Variants in NELL1 observed in about 807,000 individuals in gnomAD.
NELL1 encodes protein kinase C-binding protein NELL1.
NELL1 carries 76 observed loss-of-function variants against 107.4 expected under a neutral mutation model. That is an observed-to-expected ratio of 0.71 (90% confidence interval 0.59 to 0.86). The LOEUF (loss-of-function observed/expected upper bound fraction) is 0.86. NELL1 is among the 40% of genes least tolerant of loss of function. NELL1 has a pLI of 0.00. For synonymous variants in NELL1, 353 were observed against 341.2 expected (o/e 1.03, Z -0.38); for missense variants, 1,024 against 1,005.5 (o/e 1.02, Z -0.25).
intron 14 of NELL1, among the ~76,000 whole-genome samples, chr11:21,366,870 T>C (rs187561932): frequency 3.9e-5 from 6 of 152,236 alleles, no homozygotes; most frequent in African/African-American, 1.2e-4. Flanking sequence ...CAATAAACTT[T>C]AAGAAGATTA....
At chr11:21,140,504 T>C (rs998213142) in intron 13 of NELL1, among the ~76,000 whole-genome samples, 5 of 152,176 alleles carry the variant, frequency 3.3e-5, no homozygotes, top group African/African-American at 1.2e-4. Flanking sequence ...ACAGAAGCTT[T>C]GGAAGAGTAT....
intron 2 of NELL1, among the ~76,000 whole-genome samples, chr11:20,685,254 T>C (rs1037195251): frequency 1.1e-4 from 17 of 152,224 alleles, no homozygotes; most frequent in African/African-American, 3.6e-4. Context: ...CTGCCCTTCA[T>C]TGACTGATGG....
intron 2 of NELL1, among the ~76,000 whole-genome samples, chr11:20,702,737 C>T (rs1854828610): frequency 6.6e-6 from 1 of 152,168 alleles, no homozygotes; most frequent in South Asian, 2.1e-4. Context: ...TGAATTTTGA[C>T]AAAGGCCTTT....
At position 20,677,630 on chromosome 11, in the gene NELL1, C is replaced by A. The variant is rs548035625; in HGVS notation, c.56-302C>A. 5.3e-5 allele frequency among the ~76,000 whole-genome samples: 8 copies of A among 152,144 alleles called. No individual in the cohort carries two copies. The South Asian group carries it at 1.7e-3, about 32-fold the overall frequency. On this transcript the variant is annotated intron_variant, in intron 1 of 19. Transcript: ENST00000357134. Reference sequence around the variant, plus strand: ...TGTTACATAAAATGTAGTATATAGGCCATATTACCTTTCTAACACATGGCA... The same window carrying A: ...TGTTACATAAAATGTAGTATATAGGACATATTACCTTTCTAACACATGGCA...
intron 5 of NELL1, among the ~76,000 whole-genome samples, chr11:20,899,033 A>G (rs750007065): frequency 3.3e-5 from 5 of 152,148 alleles, no homozygotes; most frequent in Admixed American, 6.5e-5. Context: ...AAATGGATAC[A>G]TTTGCCATCA....
intron 4 of NELL1, 118 bp downstream of exon 4, chr11:20,847,871 T>C (rs1013235048): frequency 1.3e-5 from 14 of 1,113,808 alleles, no homozygotes; most frequent in African/African-American, 1.6e-5. Flanking sequence ...GGGACCCTAA[T>C]TGTAATTTAA....
intron 14 of NELL1, among the ~76,000 whole-genome samples, chr11:21,347,260 A>G (rs1850703108): frequency 6.6e-6 from 1 of 152,114 alleles, no homozygotes; most frequent in African/African-American, 2.4e-5. Flanking sequence ...AGGGAACAAC[A>G]AGTGTAAAGG....
At chr11:21,335,945 C>G (rs1850380778) in intron 14 of NELL1, among the ~76,000 whole-genome samples, 1 of 151,982 alleles carries the variant, frequency 6.6e-6, no homozygotes, top group East Asian at 1.9e-4. Context: ...AATATTAGGC[C>G]TTAACATAGT....
chr11:20,828,745 G>A (rs1857938866), intron 3 of NELL1, among the ~76,000 whole-genome samples: 1 of 152,120 alleles, frequency 6.6e-6, no homozygotes, highest in South Asian at 2.1e-4. Context: ...TTTTCAGTCA[G>A]TTTTAGTGTC....
intron 13 of NELL1, among the ~76,000 whole-genome samples, chr11:21,130,309 G>A (rs1292949530): frequency 6.6e-6 from 1 of 152,154 alleles, no homozygotes; most frequent in Non-Finnish European, 1.5e-5. Context: ...GGTCATGGCT[G>A]TCTTCCTAAG....
Position 21,454,802 on chromosome 11 carries a change from T to C in NELL1, c.1646-79572T>C, listed in dbSNP as rs143623799. On this transcript the variant is annotated intron_variant, in intron 15 of 19. Coordinates refer to ENST00000357134, the MANE Select transcript of NELL1 (RefSeq NM_006157.5). ...TAGCTCTGGTCATTGTTCCTCTTCT[T>C]AAAGGGACACTAATTTCACCATGGG... Among the ~76,000 whole-genome samples, 90 of 152,350 alleles carry C rather than the reference T, an allele frequency of 5.9e-4. No homozygotes were observed. The East Asian group carries it at 0.016, about 27-fold the overall frequency.
chr11:20,973,588 A>G (rs1324648944), intron 12 of NELL1, among the ~76,000 whole-genome samples: 2 of 152,224 alleles, frequency 1.3e-5, no homozygotes, highest in Non-Finnish European at 2.9e-5. Context: ...TTAGTGCTCT[A>G]TGGATTCTTC....
chr11:21,241,767 C>T (rs1294289376), intron 14 of NELL1, among the ~76,000 whole-genome samples: 2 of 151,948 alleles, frequency 1.3e-5, no homozygotes, highest in Non-Finnish European at 2.9e-5. Context: ...TTGTTTTTTT[C>T]ATTTCAGCCC....
At chr11:20,975,908 AT>A (rs1851611823) in intron 12 of NELL1, among the ~76,000 whole-genome samples, 2 of 94,138 alleles carry the variant, frequency 2.1e-5, no homozygotes, top group South Asian at 3.2e-4. Context: ...ATATATGTGT[AT>A]TATATAAACA....
intron 16 of NELL1, among the ~76,000 whole-genome samples, chr11:21,541,827 TTA>T (rs1242588785): frequency 2.0e-5 from 3 of 152,102 alleles, no homozygotes; most frequent in African/African-American, 7.2e-5. Context: ...CTGACAAGTA[TTA>T]TATGATAGTC....
At chr11:21,349,977 C>G (rs575220545) in intron 14 of NELL1, among the ~76,000 whole-genome samples, 1 of 152,006 alleles carries the variant, frequency 6.6e-6, no homozygotes, top group Non-Finnish European at 1.5e-5. Context: ...AAGACTTAGA[C>G]CTTTTACTTG....
intron 14 of NELL1, among the ~76,000 whole-genome samples, chr11:21,263,636 A>C (rs1848577989): frequency 6.6e-6 from 1 of 151,960 alleles, no homozygotes; most frequent in African/African-American, 2.4e-5. Flanking sequence ...GAATGGGAAG[A>C]GGAACCAGGT....
chr11:21,092,508 A>G (rs745456750), intron 12 of NELL1, among the ~76,000 whole-genome samples: 12 of 152,216 alleles, frequency 7.9e-5, no homozygotes, highest in Non-Finnish European at 1.3e-4. Flanking sequence ...GGAAATGTGC[A>G]GAAAGAAACT....
chr11:21,087,029 C>G (rs113931161), intron 12 of NELL1, among the ~76,000 whole-genome samples: 22,178 of 151,876 alleles, frequency 0.15, 1,971 homozygotes, highest in Middle Eastern at 0.27. Context: ...TTAGTAGAGA[C>G]AGGGTTTCAC....
Sources: allele counts gnomAD v4.1 joint callset (sites outside exome capture counted in the v4.1 genomes callset), GRCh38; gene constraint gnomAD v4.1.1; transcripts MANE v1.5; gene names NCBI Gene and HGNC (gene_info 2026-07-23, HGNC 2026-07-21).